APPL2: variants seen among roughly 807,000 people sequenced by gnomAD.
The protein encoded by APPL2 is adaptor protein, phosphotyrosine interacting with PH domain and leucine zipper 2, also known as DCC-interacting protein 13-beta.
Under a neutral mutation model 92.7 loss-of-function variants are expected in APPL2, and 84 were observed. That is an observed-to-expected ratio of 0.91 (90% CI 0.76 to 1.09). The LOEUF is 1.09. APPL2 is among the 50% of genes least tolerant of loss of function. The pLI, the probability that APPL2 is intolerant of heterozygous loss-of-function variation, is 0.00. For missense variants in APPL2, 736 were observed against 824.5 expected (o/e 0.89, Z 1.31); for synonymous variants, 291 against 291.0 (o/e 1.00, Z 0.00).
At chr12:105,196,422 ACT>A (rs1887650773) in intron 11 of APPL2, among the ~76,000 whole-genome samples, 8 of 114,088 alleles carry the variant, frequency 7.0e-5, no homozygotes, top group South Asian at 3.1e-4. Flanking sequence ...GGAGGCGTTA[ACT>A]CTTTTTTTTT....
At chr12:105,182,742 G>A (rs1411812673) in intron 17 of APPL2, among the ~76,000 whole-genome samples, 1 of 152,184 alleles carries the variant, frequency 6.6e-6, no homozygotes, top group East Asian at 1.9e-4. Context: ...GTTGATTTGG[G>A]ATGGAGCATT....
chr12:105,221,166 G>A (rs1270332441), intron 2 of APPL2, among the ~76,000 whole-genome samples: 1 of 152,228 alleles, frequency 6.6e-6, no homozygotes, highest in Non-Finnish European at 1.5e-5. Context: ...CACGCCCTGT[G>A]CCCTGTGAGG....
At chr12:105,203,856 C>T in intron 8 of APPL2, 71 bp from the exon 9 acceptor site, 1 of 1,395,330 alleles carries the variant, frequency 7.2e-7, no homozygotes, top group Non-Finnish European at 1.0e-6. Flanking sequence ...GAAGGTGAGA[C>T]AGGCAGCGTG....
intron 2 of APPL2, among the ~76,000 whole-genome samples, chr12:105,218,459 G>C (rs1277192043): frequency 6.6e-6 from 1 of 152,184 alleles, no homozygotes; most frequent in Non-Finnish European, 1.5e-5. Flanking sequence ...AAAAATACTG[G>C]CTGTGTTGGG....
intron 14 of APPL2, among the ~76,000 whole-genome samples, chr12:105,192,195 A>G (rs1247696234): frequency 1.3e-5 from 2 of 152,168 alleles, no homozygotes; most frequent in Non-Finnish European, 2.9e-5. Flanking sequence ...AAAGTCCCAC[A>G]GGTTTTACCT....
intron 5 of APPL2, among the ~76,000 whole-genome samples, 162 bp downstream of exon 5, chr12:105,211,068 G>A (rs759610881): frequency 6.6e-6 from 1 of 152,116 alleles, no homozygotes; most frequent in Non-Finnish European, 1.5e-5. Flanking sequence ...TAGGTGAGCC[G>A]GGAACACAGT....
At chr12:105,212,761 C>T (rs141606195) in intron 4 of APPL2, among the ~76,000 whole-genome samples, 5 of 152,254 alleles carry the variant, frequency 3.3e-5, no homozygotes, top group African/African-American at 9.6e-5. Context: ...CACGCATATT[C>T]ATCAACCTTC....
At chr12:105,232,416 T>C (rs1170865120) in intron 1 of APPL2, among the ~76,000 whole-genome samples, 1 of 152,210 alleles carries the variant, frequency 6.6e-6, no homozygotes, top group Non-Finnish European at 1.5e-5. Context: ...AGTGGCCCAA[T>C]GTTAACACCA....
intron 14 of APPL2, among the ~76,000 whole-genome samples, chr12:105,191,252 T>TGA (rs1566061837): frequency 1.3e-5 from 2 of 152,150 alleles, no homozygotes; most frequent in African/African-American, 2.4e-5. Flanking sequence ...AAAAGGAAAC[T>TGA]GAGGCCTCTG....
chr12:105,195,724 A>C, intron 11 of APPL2, 97 bp from the exon 12 acceptor site: 1 of 1,330,576 alleles, frequency 7.5e-7, no homozygotes, highest in South Asian at 1.2e-5. Flanking sequence ...GTGGGAGGAA[A>C]AGTGCCATGA....
intron 14 of APPL2, among the ~76,000 whole-genome samples, chr12:105,191,956 T>A (rs534467029): frequency 6.6e-6 from 1 of 152,272 alleles, no homozygotes; most frequent in South Asian, 2.1e-4. Context: ...TGTTCAGTGC[T>A]ATGAGTCCCC....
chr12:105,222,705 C>T (rs1239955770), intron 2 of APPL2, among the ~76,000 whole-genome samples: 2 of 152,146 alleles, frequency 1.3e-5, no homozygotes, highest in African/African-American at 2.4e-5. Flanking sequence ...GCACTGGCAA[C>T]ATCTAACTCT....
intron 16 of APPL2, among the ~76,000 whole-genome samples, chr12:105,189,276 C>T (rs541190512): frequency 6.6e-6 from 1 of 152,180 alleles, no homozygotes; most frequent in African/African-American, 2.4e-5. Flanking sequence ...CGTGATTCAC[C>T]TGCCTCGGCC....
intron 2 of APPL2, among the ~76,000 whole-genome samples, chr12:105,225,680 T>C (rs1890440435): frequency 6.6e-6 from 1 of 152,230 alleles, no homozygotes; most frequent in Non-Finnish European, 1.5e-5. Context: ...CAATGGACTA[T>C]TGCCAGACGT....
At chr12:105,185,813 C>T (rs1447537334) in intron 17 of APPL2, among the ~76,000 whole-genome samples, 2 of 152,108 alleles carry the variant, frequency 1.3e-5, no homozygotes, top group Non-Finnish European at 2.9e-5. Context: ...GTATGCATAA[C>T]GTCAGATTTA....
intron 8 of APPL2, among the ~76,000 whole-genome samples, chr12:105,205,082 A>G (rs1411077547): frequency 6.6e-6 from 1 of 152,208 alleles, no homozygotes; most frequent in Non-Finnish European, 1.5e-5. Context: ...CTTAGTGAGC[A>G]GCAGGAAGTG....
chr12:105,191,926 T>C (rs1366379605), intron 14 of APPL2, among the ~76,000 whole-genome samples: 3 of 152,116 alleles, frequency 2.0e-5, no homozygotes, highest in Non-Finnish European at 2.9e-5. Context: ...CTTTCTCCCA[T>C]AGAGGACCTC....
At chr12:105,223,194 G>A (rs1440290206) in intron 2 of APPL2, among the ~76,000 whole-genome samples, 1 of 152,212 alleles carries the variant, frequency 6.6e-6, no homozygotes, top group Non-Finnish European at 1.5e-5. Context: ...AATGAAAAGG[G>A]GAAGACGTCT....
chr12:105,210,187 C>T (rs942602557), intron 5 of APPL2, among the ~76,000 whole-genome samples: 3 of 152,160 alleles, frequency 2.0e-5, no homozygotes, highest in African/African-American at 7.2e-5. Flanking sequence ...GTCTCGATCT[C>T]CTGACCTAGT....
Sources: gnomAD v4.1 joint callset for allele counts (sites outside exome capture counted in the v4.1 genomes callset) on GRCh38, gnomAD v4.1.1 for gene constraint, MANE v1.5 for transcripts, NCBI Gene and HGNC (gene_info 2026-07-23, HGNC 2026-07-21) for gene names.